The following SIDT1 variants were observed in gnomAD, a reference collection of about 807,000 sequenced individuals.
SIDT1 encodes the protein SID1 transmembrane family, member 1.
A neutral mutation model predicts 107.5 loss-of-function variants in SIDT1; 101 were observed. That is an observed-to-expected ratio of 0.94 (90% CI 0.80 to 1.11). The LOEUF (loss-of-function observed/expected upper bound fraction) is 1.11. Among genes scored for constraint, SIDT1 ranks in the 50% least tolerant of loss-of-function variants. The pLI is 0.00. For synonymous variants in SIDT1, 395 were observed against 398.2 expected (o/e 0.99, Z 0.10); for missense variants, 1,076 against 1,058.2 (o/e 1.02, Z -0.23).
At position 113,615,926 on chromosome 3, in the gene SIDT1, C is replaced by T. The variant is rs113871684; in HGVS notation, c.1967-174C>T. 59 of 642,036 alleles carry T rather than the reference C, an allele frequency of 9.2e-5. No individual in the cohort carries two copies. The Middle Eastern group carries it at 4.3e-3, about 47-fold the overall frequency. 39.8% of individuals were successfully genotyped at this position (642,036 alleles called of 1,614,324 possible). ...GCACAGATATGGCATCCCTCTATGA[C>T]GATACCATTTTTCAAAGCAAATACT... On this transcript the variant is annotated intron_variant, in intron 19 of 24. Transcript: ENST00000264852.
chr3:113,572,505 G>A (rs113729506), intron 3 of SIDT1, among the ~76,000 whole-genome samples: 130 of 152,344 alleles, frequency 8.5e-4, no homozygotes, highest in Non-Finnish European at 4.3e-4. Context: ...TTAAAGGATT[G>A]TGAGCAACAG....
chr3:113,576,850 AT>A, intron 3 of SIDT1, 71 bp from the exon 4 acceptor site: 1 of 1,482,566 alleles, frequency 6.7e-7, no homozygotes, highest in Non-Finnish European at 9.4e-7. Context: ...TTTTAAATAA[AT>A]AATTTTTGCT....
At chr3:113,615,361 A>T (rs1193543945) in intron 19 of SIDT1, among the ~76,000 whole-genome samples, 2 of 152,188 alleles carry the variant, frequency 1.3e-5, no homozygotes, top group East Asian at 3.9e-4. Context: ...TGAGATCCAC[A>T]TTCTGGAAAA....
At chr3:113,578,295 C>T (rs1056898963) in intron 4 of SIDT1, among the ~76,000 whole-genome samples, 2 of 151,608 alleles carry the variant, frequency 1.3e-5, no homozygotes, top group East Asian at 3.9e-4. Flanking sequence ...GAAACGTCGT[C>T]TCTACTAAAA....
chr3:113,620,856 A>T (rs903147535), intron 21 of SIDT1, among the ~76,000 whole-genome samples: 1 of 152,162 alleles, frequency 6.6e-6, no homozygotes, highest in Non-Finnish European at 1.5e-5. Context: ...CTATGATTCC[A>T]GGGGCTCAGA....
intron 2 of SIDT1, 33 bp from the exon 3 acceptor site, chr3:113,567,507 G>C: frequency 6.4e-7 from 1 of 1,562,500 alleles, no homozygotes; most frequent in South Asian, 1.2e-5. Context: ...TCTTGTCCTT[G>C]TTTATTTTTT....
chr3:113,626,041 C>A, intron 23 of SIDT1, 61 bp from the exon 24 acceptor site: 2 of 1,185,608 alleles, frequency 1.7e-6, no homozygotes, highest in South Asian at 1.2e-5. Context: ...TCTGGACGTT[C>A]AACTCTTTGA....
At position 113,585,221 on chromosome 3, in the gene SIDT1, C is replaced by T. The variant is rs1474893166; in HGVS notation, c.952C>T (p.Leu318=). The part of the protein sequence containing the change: ...KSSLFSVFIF[L]SFYLGCLLVG... ...CAGTCTTTTCAGTGTCTTCATCTTC[C>T]TGTCCTTCTACTTGGGATGCCTTCT... Residue 318 remains leucine, a synonymous_variant, in exon 9 of 25, where the codon CTG becomes TTG. Coordinates refer to ENST00000264852, the MANE Select transcript of SIDT1 (RefSeq NM_017699.3). The T allele has an allele frequency of 1.2e-6, 2 of 1,613,590 alleles. No homozygotes were observed. The highest frequency in any genetic ancestry group is 1.3e-5 in the African/African-American group (1 of 74,844).
In SIDT1 at chr3:113,612,169, A is replaced by G. The variant is rs1421786955; in HGVS notation, c.1941A>G (p.Ile647Met). The change falls in exon 19 of 25, where the codon ATA becomes ATG. Residue 647 changes from isoleucine to methionine, a missense_variant. By Grantham distance (10) the Ile-to-Met change is conservative. Coordinates refer to ENST00000264852, the MANE Select transcript of SIDT1 (RefSeq NM_017699.3). ...VLASLALSTQIYYMGRFKIDL... is the reference protein window; with the variant it reads ...VLASLALSTQMYYMGRFKIDL... Reference sequence around the variant, plus strand: ...CCTCGCTAGCCCTCAGCACCCAGATATATTATATGGGTCGTTTCAAGATAG... The same window carrying G: ...CCTCGCTAGCCCTCAGCACCCAGATGTATTATATGGGTCGTTTCAAGATAG... 6.2e-7 allele frequency: 1 copy of G among 1,613,742 alleles called. No homozygotes were observed. The highest frequency in any genetic ancestry group is 1.7e-4 in the Middle Eastern group (1 of 6,058).
intron 4 of SIDT1, among the ~76,000 whole-genome samples, 170 bp downstream of exon 4, chr3:113,577,137 A>G (rs866309456): frequency 7.9e-5 from 12 of 152,204 alleles, no homozygotes; most frequent in African/African-American, 1.9e-4. Flanking sequence ...GGAATTTTGG[A>G]CACAATATTT....
chr3:113,597,547 T>C (rs1944662342), intron 10 of SIDT1, among the ~76,000 whole-genome samples: 1 of 151,222 alleles, frequency 6.6e-6, no homozygotes, highest in Non-Finnish European at 1.5e-5. Context: ...CCATCATTTC[T>C]GGCTCCCTCT....
chr3:113,581,166 A>T (rs1438678099), intron 5 of SIDT1, among the ~76,000 whole-genome samples, 195 bp from the exon 6 acceptor site: 1 of 152,086 alleles, frequency 6.6e-6, no homozygotes, highest in Non-Finnish European at 1.5e-5. Flanking sequence ...CATGACTTTG[A>T]CTTTAGAGGA....
intron 1 of SIDT1, among the ~76,000 whole-genome samples, chr3:113,555,138 C>A (rs1235264257): frequency 6.6e-6 from 1 of 152,202 alleles, no homozygotes; most frequent in Non-Finnish European, 1.5e-5. Flanking sequence ...ATGCTTCTCT[C>A]ACCGTCTCTC....
At chr3:113,611,946 A>G (rs1945779602) in intron 18 of SIDT1, 140 bp from the exon 19 acceptor site, 4 of 615,456 alleles carry the variant, frequency 6.5e-6, no homozygotes, top group Admixed American at 5.8e-5. Flanking sequence ...AGTAAGATCC[A>G]TGGGAGTTTC....
chr3:113,581,685 C>T lies in SIDT1; in HGVS notation c.747+241C>T, dbSNP rs182639935. 2.1e-3 allele frequency: 921 copies of T among 443,836 alleles called. 6 individuals carry two copies. The highest frequency in any genetic ancestry group is 3.0e-3 in the Non-Finnish European group (737 of 243,260). The allele number at this position is 443,836 out of a possible 1,614,324, so 27.5% of individuals were successfully genotyped here. A position where few individuals can be genotyped will look rare whatever the true frequency, so the allele number is the denominator to read the frequency against. On this transcript the variant is annotated intron_variant, in intron 6 of 24. Transcript: ENST00000264852. ...GTCAGGAGTTTGAGACCAGCCTGGC[C>T]AATATGGCAAAACCCTGTCTCCACT...
intron 19 of SIDT1, chr3:113,615,025 T>C (rs1946005281): frequency 6.5e-7 from 1 of 1,535,264 alleles, no homozygotes; most frequent in Admixed American, 2.0e-5. Context: ...ACGTCTCTCT[T>C]TTTTTTCTCC....
chr3:113,543,210 A>G (rs6785962), intron 1 of SIDT1, among the ~76,000 whole-genome samples: 73,298 of 151,810 alleles, frequency 0.48, 18,327 homozygotes, highest in East Asian at 0.73. Flanking sequence ...CAAAATGCTG[A>G]GATTACAGGT....
chr3:113,541,111 AAT>A (rs10534213), intron 1 of SIDT1, among the ~76,000 whole-genome samples: 26,137 of 148,906 alleles, frequency 0.18, 2,496 homozygotes, highest in East Asian at 0.4. Flanking sequence ...TCTTAGTTCT[AAT>A]ATATATATAT....
chr3:113,618,651 C>T (rs938120959), intron 20 of SIDT1, among the ~76,000 whole-genome samples: 3 of 152,130 alleles, frequency 2.0e-5, no homozygotes, highest in Non-Finnish European at 2.9e-5. Flanking sequence ...AAGTTATTTC[C>T]TCCAAATTGG....
Sources: allele counts gnomAD v4.1 joint callset (sites outside exome capture counted in the v4.1 genomes callset), GRCh38; gene constraint gnomAD v4.1.1; transcripts MANE v1.5; gene names NCBI Gene and HGNC (gene_info 2026-07-23, HGNC 2026-07-21).